Variants in ATXN1 observed in about 807,000 individuals in gnomAD.
ATXN1 encodes ataxin 1.
In ATXN1, 8 loss-of-function variants were observed where a neutral mutation model predicts 56.4. The observed-to-expected ratio is 0.14, with a 90% confidence interval of 0.08 to 0.26. The LOEUF (loss-of-function observed/expected upper bound fraction) is 0.26, where lower values mean the gene tolerates loss of function less well. Among genes scored for constraint, ATXN1 ranks in the 10% least tolerant of loss-of-function variants. The pLI, the probability that ATXN1 is intolerant of heterozygous loss-of-function variation, is 1.00. For synonymous variants in ATXN1, 514 were observed against 494.6 expected, an observed-to-expected ratio of 1.04 and a Z score of -0.52; for missense variants, 987 against 1,106.5, an observed-to-expected ratio of 0.89 and a Z score of 1.53.
chr6:16,545,074 C>T (rs1761790386), intron 4 of ATXN1, among the ~76,000 whole-genome samples: 1 of 152,174 alleles, frequency 6.6e-6, no homozygotes, highest in Admixed American at 6.5e-5. Context: ...GGCAAATACG[C>T]ATTCCATGTT....
chr6:16,488,984 C>T (rs1037473918), intron 5 of ATXN1, among the ~76,000 whole-genome samples: 5 of 152,162 alleles, frequency 3.3e-5, no homozygotes, highest in African/African-American at 1.2e-4. Flanking sequence ...GTTTCATCCT[C>T]TGCCTAGAGG....
chr6:16,405,941 C>T (rs1277159844), intron 6 of ATXN1, among the ~76,000 whole-genome samples: 2 of 152,112 alleles, frequency 1.3e-5, no homozygotes, highest in Non-Finnish European at 2.9e-5. Context: ...GGGGTTAACT[C>T]TGCTCCCTAC....
Position 16,299,956 on chromosome 6 carries a change from C to G in ATXN1, c.*6373G>C, listed in dbSNP as rs761320134. The G allele has an allele frequency of 6.5e-6, 1 of 152,686 alleles. No individual in the cohort carries two copies. The highest frequency in any genetic ancestry group is 1.5e-5 in the Non-Finnish European group (1 of 68,050). The allele number at this position is 152,686 out of a possible 1,614,324, so 9.5% of individuals were successfully genotyped here. On this transcript the variant is annotated 3_prime_UTR_variant, in exon 8 of 8. Transcript: ENST00000436367. ...AAAGAGTAGGTGGTTCCTGTAAGAA[C>G]CAGAGAAAACCTGTGCACCGAGCTT...
intron 6 of ATXN1, among the ~76,000 whole-genome samples, chr6:16,437,477 G>A (rs1759419100): frequency 6.6e-6 from 1 of 152,180 alleles, no homozygotes. Flanking sequence ...ATGCACTAAG[G>A]AGCTGAGCAA....
At chr6:16,667,202 T>C (rs1316077446) in intron 2 of ATXN1, 4 of 152,174 alleles carry the variant, frequency 2.6e-5, no homozygotes, top group African/African-American at 9.7e-5. Context: ...AAGTGACAGA[T>C]TGAGGACTCC....
intron 6 of ATXN1, among the ~76,000 whole-genome samples, chr6:16,355,390 G>A (rs1761664127): frequency 6.6e-6 from 1 of 152,158 alleles, no homozygotes; most frequent in Non-Finnish European, 1.5e-5. Context: ...TTAGTGACAG[G>A]TGACTCATCT....
intron 7 of ATXN1, among the ~76,000 whole-genome samples, chr6:16,316,563 G>A (rs1271897833): frequency 6.6e-6 from 1 of 151,984 alleles, no homozygotes; most frequent in Non-Finnish European, 1.5e-5. Context: ...TGACCAACAT[G>A]GTGAAACCCT....
intron 2 of ATXN1, among the ~76,000 whole-genome samples, chr6:16,740,303 T>C (rs1760292936): frequency 6.6e-6 from 1 of 152,204 alleles, no homozygotes; most frequent in Non-Finnish European, 1.5e-5. Flanking sequence ...AAGTAACTCA[T>C]GGTTTTTGCA....
intron 2 of ATXN1, chr6:16,738,494 A>G (rs188191343): frequency 6.6e-6 from 1 of 152,358 alleles, no homozygotes; most frequent in African/African-American, 2.4e-5. Context: ...AAGTGACTTT[A>G]TTATATACAT....
At chr6:16,560,069 G>C (rs566840124) in intron 4 of ATXN1, among the ~76,000 whole-genome samples, 1 of 152,216 alleles carries the variant, frequency 6.6e-6, no homozygotes, top group East Asian at 1.9e-4. Context: ...GTTGTAGCTG[G>C]AGATATGCCA....
chr6:16,554,731 G>A lies in ATXN1; in HGVS notation c.-361+31049C>T, dbSNP rs187761388. Among the ~76,000 whole-genome samples, 5 of 150,746 alleles carry A rather than the reference G, an allele frequency of 3.3e-5. No individual in the cohort carries two copies. The East Asian group carries it at 9.7e-4, about 29-fold the overall frequency. ...AGCGTCCCAAAGTGCTGGGATTACA[G>A]GCACATGCCACCACGCCCGGCTAAT... On this transcript the variant is annotated intron_variant, in intron 4 of 7. Transcript: ENST00000436367.
Position 16,327,229 on chromosome 6 carries a change from A to C in ATXN1, c.1082T>G (p.Val361Gly), listed in dbSNP as rs1214718532. ...SVPHPYESRH[V>G]VVHPSPSDYS... ...GTCTGAGGGGCTCGGGTGGACCACCACGTGCCTGGACTCGTACGGGTGAGG... is the reference window on the plus strand; with the variant it reads ...GTCTGAGGGGCTCGGGTGGACCACCCCGTGCCTGGACTCGTACGGGTGAGG... Residue 361 changes from valine (V) to glycine (G), a missense_variant, in exon 7 of 8, where the codon GTG (valine) becomes GGG (glycine). Transcript: ENST00000436367. The C allele has an allele frequency of 6.2e-7, 1 of 1,613,536 alleles. No individual in the cohort carries two copies. Among genetic ancestry groups the C allele is most frequent in the Middle Eastern group, 1.6e-4 (1 of 6,062 alleles).
chr6:16,490,806 C>T (rs1760644309), intron 5 of ATXN1, among the ~76,000 whole-genome samples: 1 of 152,320 alleles, frequency 6.6e-6, no homozygotes, highest in African/African-American at 2.4e-5. Flanking sequence ...CAACAACCCT[C>T]CAGCCACAGT....
At chr6:16,617,774 A>AAAAAAGG (rs1402188078) in intron 3 of ATXN1, among the ~76,000 whole-genome samples, 3 of 93,850 alleles carry the variant, frequency 3.2e-5, no homozygotes, top group Non-Finnish European at 6.9e-5. Context: ...CTCAAAAAAA[A>AAAAAAGG]AAAAAAAAGA....
In ATXN1 at chr6:16,390,145, A is replaced by G. The variant is rs183882910; in HGVS notation, c.-160-61675T>C. On this transcript the variant is annotated intron_variant, in intron 6 of 7. Transcript: ENST00000436367. ...TTAAGTTAGCAGCTGGTCCCAAACTACAGACTCAAGTCCACCCTACTGCTA... is the reference window on the plus strand; with the variant it reads ...TTAAGTTAGCAGCTGGTCCCAAACTGCAGACTCAAGTCCACCCTACTGCTA... 2.0e-5 allele frequency among the ~76,000 whole-genome samples: 3 copies of G among 152,324 alleles called. No individual in the cohort carries two copies. In the East Asian group the frequency reaches 5.8e-4, roughly 29 times the overall value.
In ATXN1 at chr6:16,308,322, T is replaced by TCACACACACA. The variant is rs35291830; in HGVS notation, c.1918-1473_1918-1464dup. On this transcript the variant is annotated intron_variant, in intron 7 of 7. Coordinates refer to ENST00000436367, the MANE Select transcript of ATXN1 (RefSeq NM_001128164.2). ...GCCTGGGCGACAGAGTGAAACTCCG[T>TCACACACACA]CACACACACACACACACACACACAC... is the stretch of plus-strand genomic sequence containing the variant. Among the ~76,000 whole-genome samples, 1,129 of 132,672 alleles carry TCACACACACA rather than the reference T, an allele frequency of 8.5e-3. 18 individuals carry two copies. The highest frequency in any genetic ancestry group is 0.076 in the East Asian group (287 of 3,774). The allele number at this position is 132,672 out of a possible 152,430, so 87.0% of individuals were successfully genotyped here.
At chr6:16,749,931 A>T (rs1436785719) in intron 2 of ATXN1, 1 of 152,388 alleles carries the variant, frequency 6.6e-6, no homozygotes, top group African/African-American at 2.4e-5. Context: ...TCAGATGTCC[A>T]CCAGCACCTA....
At chr6:16,461,739 C>T (rs1020093442) in intron 6 of ATXN1, among the ~76,000 whole-genome samples, 22 of 152,172 alleles carry the variant, frequency 1.4e-4, no homozygotes, top group African/African-American at 5.3e-4. Context: ...CTTAAAGCCA[C>T]GGTAACTCAG....
At chr6:16,637,843 T>C (rs1266091877) in intron 3 of ATXN1, among the ~76,000 whole-genome samples, 1 of 152,176 alleles carries the variant, frequency 6.6e-6, no homozygotes, top group Non-Finnish European at 1.5e-5. Context: ...GTTTGGGAAA[T>C]TTAGGACATG....
Sources: gnomAD v4.1 joint callset for allele counts (sites outside exome capture counted in the v4.1 genomes callset) on GRCh38, gnomAD v4.1.1 for gene constraint, MANE v1.5 for transcripts, NCBI Gene and HGNC (gene_info 2026-07-23, HGNC 2026-07-21) for gene names.